Variants in CES5A observed in about 807,000 individuals in gnomAD.
The protein encoded by CES5A is carboxylesterase 5.
Under a neutral mutation model 62.9 loss-of-function variants are expected in CES5A, and 67 were observed. That is an observed-to-expected ratio of 1.07 (90% CI 0.88 to 1.31). The LOEUF (loss-of-function observed/expected upper bound fraction) is 1.31. Ranked by LOEUF, CES5A falls within the 50% of genes most tolerant of loss-of-function variation. The pLI is 0.00. For synonymous variants in CES5A, 296 were observed against 280.8 expected (o/e 1.05, Z -0.54); for missense variants, 748 against 708.5 (o/e 1.06, Z -0.63).
chr16:55,899,219 G>C (rs1206954483), intron 1 of CES5A, among the ~76,000 whole-genome samples: 1 of 152,190 alleles, frequency 6.6e-6, no homozygotes, highest in South Asian at 2.1e-4. Flanking sequence ...GGGGAGAGCA[G>C]CTCTGATTGG....
chr16:55,873,872 G>C lies in CES5A; in HGVS notation c.239C>G (p.Pro80Arg), dbSNP rs779327412. The C allele has an allele frequency of 1.9e-6, 3 of 1,613,658 alleles. No homozygotes were observed. The highest frequency in any genetic ancestry group is 1.7e-6 in the Non-Finnish European group (2 of 1,179,932). The stretch of plus-strand genomic sequence containing the variant: ...GGTGGCTTCTCGCAAGTTATCCCAG[G>C]GCGATGCAGGCTGCGGGTTCGTAAA... Reference protein sequence around the residue: ...LRFTNPQPASPWDNLREATSY... With the variant: ...LRFTNPQPASRWDNLREATSY... Residue 80 changes from proline to arginine, a missense_variant, in exon 2 of 13, where the codon CCC (proline) becomes CGC (arginine). Transcript: ENST00000290567.
chr16:55,920,121 GT>G (rs2034188857), intron 1 of CES5A, among the ~76,000 whole-genome samples: 1 of 152,166 alleles, frequency 6.6e-6, no homozygotes, highest in Non-Finnish European at 1.5e-5. Context: ...GGATGAGATA[GT>G]TTTGGGGGCT....
At chr16:55,944,644 A>T (rs114052331) in intron 2 of CES5A, among the ~76,000 whole-genome samples, 1 of 152,292 alleles carries the variant, frequency 6.6e-6, no homozygotes, top group African/African-American at 2.4e-5. Flanking sequence ...AAAAACTTCC[A>T]GGCTCTTGCG....
At chr16:55,955,967 G>A in exon 1 of CES5A, 1 of 1,390,808 alleles carries the variant, frequency 7.2e-7, no homozygotes, top group Non-Finnish European at 9.8e-7. Flanking sequence ...TGCACATCAT[G>A]TACATGGTAC....
intron 2 of CES5A, among the ~76,000 whole-genome samples, chr16:55,940,557 T>A (rs2034435125): frequency 6.6e-6 from 1 of 151,996 alleles, no homozygotes; most frequent in Non-Finnish European, 1.5e-5. Flanking sequence ...AAAAAAGTCA[T>A]TTCCAGGCCT....
chr16:55,917,983 G>A (rs1188420137), intron 1 of CES5A, among the ~76,000 whole-genome samples: 1 of 152,164 alleles, frequency 6.6e-6, no homozygotes, highest in Non-Finnish European at 1.5e-5. Flanking sequence ...CTATTGCATG[G>A]TTCTGGGAGA....
At chr16:55,895,885 T>A (rs1185762674) in intron 1 of CES5A, among the ~76,000 whole-genome samples, 1 of 152,140 alleles carries the variant, frequency 6.6e-6, no homozygotes, top group African/African-American at 2.4e-5. Context: ...ATGGGTCCCT[T>A]ATGAACAAAT....
At chr16:55,883,115 A>G (rs1416988390) in intron 1 of CES5A, among the ~76,000 whole-genome samples, 1 of 152,202 alleles carries the variant, frequency 6.6e-6, no homozygotes, top group Non-Finnish European at 1.5e-5. Context: ...TGCCACACCT[A>G]GCACAGCAGC....
chr16:55,951,559 C>G (rs2034557598), intron 1 of CES5A, among the ~76,000 whole-genome samples: 1 of 152,084 alleles, frequency 6.6e-6, no homozygotes, highest in African/African-American at 2.4e-5. Context: ...TAAGATACAC[C>G]TAAAGCAAAA....
At chr16:55,935,435 T>C (rs2034363290) in intron 2 of CES5A, among the ~76,000 whole-genome samples, 2 of 152,222 alleles carry the variant, frequency 1.3e-5, no homozygotes, top group Non-Finnish European at 2.9e-5. Context: ...GATTCAAGTG[T>C]TAATCTCATC....
upstream of CES5A, among the ~76,000 whole-genome samples, chr16:55,876,772 C>T (rs1485056554): frequency 6.6e-6 from 1 of 152,194 alleles, no homozygotes; most frequent in African/African-American, 2.4e-5. Context: ...TCCTATTTCC[C>T]TTGGATCCCA....
At chr16:55,900,046 C>T (rs1171898004) in intron 1 of CES5A, among the ~76,000 whole-genome samples, 1 of 152,102 alleles carries the variant, frequency 6.6e-6, no homozygotes, top group Non-Finnish European at 1.5e-5. Context: ...AAGGGGATTT[C>T]CCAAGGTCAC....
Position 55,905,370 on chromosome 16 carries a change from A to ATTTTTTTTT in CES5A, c.-256+19952_-256+19953insAAAAAAAAA, listed in dbSNP as rs368761640. On this transcript the variant is annotated intron_variant, in intron 1 of 12. Coordinates refer to the CES5A transcript ENST00000518005. The stretch of plus-strand genomic sequence containing the variant: ...ACTCCCCAGAATATCTTTAAATCTG[A>ATTTTTTTTT]CTTTTTTTTTTTTTGAGATGGAGTC... Among the ~76,000 whole-genome samples the ATTTTTTTTT allele has an allele frequency of 2.0e-5, 3 of 146,430 alleles. 1 individual carries two copies. The highest frequency in any genetic ancestry group is 2.2e-4 in the South Asian group (1 of 4,632).
chr16:55,929,390 C>T (rs920911445), upstream of CES5A, among the ~76,000 whole-genome samples: 23 of 152,160 alleles, frequency 1.5e-4, no homozygotes, highest in Non-Finnish European at 1.2e-4. Flanking sequence ...GAAGAGGGGG[C>T]GAGCAGCATG....
At chr16:55,917,587 A>T (rs2034160230) in intron 1 of CES5A, among the ~76,000 whole-genome samples, 1 of 152,214 alleles carries the variant, frequency 6.6e-6, no homozygotes, top group Non-Finnish European at 1.5e-5. Context: ...CCATGTAGGC[A>T]TCTCAGGCAG....
At chr16:55,853,486 G>A (rs115852967) in intron 9 of CES5A, among the ~76,000 whole-genome samples, 2 of 152,268 alleles carry the variant, frequency 1.3e-5, no homozygotes, top group African/African-American at 2.4e-5. Flanking sequence ...GTGACTACAC[G>A]GGCAGAACAT....
At chr16:55,929,581 G>A, upstream of CES5A, among the ~76,000 whole-genome samples, 1 of 152,138 alleles carries the variant, frequency 6.6e-6, no homozygotes, top group East Asian at 1.9e-4. Flanking sequence ...CATTTATGGA[G>A]ACACCCTAAA....
intron 1 of CES5A, among the ~76,000 whole-genome samples, chr16:55,907,513 T>C (rs576875822): frequency 6.6e-6 from 1 of 152,324 alleles, no homozygotes; most frequent in African/African-American, 2.4e-5. Flanking sequence ...GTGATACTCA[T>C]AGAGGTTATG....
intron 2 of CES5A, among the ~76,000 whole-genome samples, chr16:55,933,525 T>C (rs2034335647): frequency 6.6e-6 from 1 of 152,186 alleles, no homozygotes; most frequent in Admixed American, 6.5e-5. Context: ...GCTCTCTTCC[T>C]CCATCTTAGT....
Sources: gnomAD v4.1 joint callset for allele counts (sites outside exome capture counted in the v4.1 genomes callset) on GRCh38, gnomAD v4.1.1 for gene constraint, MANE v1.5 for transcripts, NCBI Gene and HGNC (gene_info 2026-07-23, HGNC 2026-07-21) for gene names.